Variants in UPRT observed in about 807,000 individuals in gnomAD.
UPRT encodes uracil phosphoribosyltransferase homolog.
Under a neutral mutation model 22.6 loss-of-function variants are expected in UPRT, and 5 were observed. That is an observed-to-expected ratio of 0.22 (90% CI 0.12 to 0.47). UPRT has a LOEUF of 0.47. UPRT is among the 20% of genes least tolerant of loss of function. The pLI is 0.99. For synonymous variants in UPRT, 77 were observed against 87.7 expected, an observed-to-expected ratio of 0.88 and a Z score of 0.68; for missense variants, 181 against 239.9, an observed-to-expected ratio of 0.75 and a Z score of 1.62.
chrX:75,286,486 T>C (rs758036122), intron 1 of UPRT, among the ~76,000 whole-genome samples: 5 of 111,954 alleles, frequency 4.5e-5, no homozygotes, highest in African/African-American at 1.3e-4. Flanking sequence ...TAGCATTTTA[T>C]TTAAATTAAG....
intron 4 of UPRT, among the ~76,000 whole-genome samples, chrX:75,185,123 G>T (rs1345184287): frequency 1.8e-5 from 2 of 111,684 alleles, no homozygotes; most frequent in African/African-American, 3.3e-5. Context: ...ATGCTCCGAG[G>T]TTTTGCCCAT....
At chrX:75,294,703 A>C in intron 2 of UPRT, 1 of 622,607 alleles carries the variant, frequency 1.6e-6, no homozygotes, top group Non-Finnish European at 2.1e-6. Flanking sequence ...GATAGTAACA[A>C]GATAAATGTG....
At chrX:75,186,960 T>A in intron 4 of UPRT, among the ~76,000 whole-genome samples, 1 of 111,804 alleles carries the variant, frequency 8.9e-6, no homozygotes, top group East Asian at 2.8e-4. Flanking sequence ...CACTGATGGG[T>A]CTTGACTCTT....
intron 4 of UPRT, among the ~76,000 whole-genome samples, chrX:75,249,505 G>A (rs1283472244): frequency 4.5e-5 from 5 of 111,782 alleles, no homozygotes; most frequent in Non-Finnish European, 9.4e-5. Context: ...AACAAGAAGA[G>A]CTGACAATCC....
chrX:75,271,122 C>T (rs2082606839), upstream of UPRT, among the ~76,000 whole-genome samples: 1 of 111,516 alleles, frequency 9.0e-6, no homozygotes, highest in Non-Finnish European at 1.9e-5. Flanking sequence ...ATGCAATTCT[C>T]ATCAAAATAC....
chrX:75,281,417 T>C (rs2082656259), intron 1 of UPRT, among the ~76,000 whole-genome samples: 1 of 111,897 alleles, frequency 8.9e-6, no homozygotes, highest in Non-Finnish European at 1.9e-5. Flanking sequence ...AGATGGCTTT[T>C]ATTACATTAA....
At chrX:75,252,085 G>T (rs2082532471) in intron 4 of UPRT, among the ~76,000 whole-genome samples, 1 of 112,172 alleles carries the variant, frequency 8.9e-6, no homozygotes, top group Admixed American at 9.5e-5. Flanking sequence ...AGACTTACAT[G>T]TTAGACCTAA....
intron 4 of UPRT, among the ~76,000 whole-genome samples, chrX:75,196,463 A>T (rs1433583947): frequency 1.8e-5 from 2 of 112,968 alleles, no homozygotes; most frequent in African/African-American, 6.4e-5. Context: ...ACAGTGGTCT[A>T]GGACTGATTA....
chrX:75,299,616 A>G, intron 4 of UPRT, 119 bp from the exon 5 acceptor site: 1 of 763,718 alleles, frequency 1.3e-6, no homozygotes, highest in Non-Finnish European at 1.8e-6. Flanking sequence ...GCTTCAAAAT[A>G]ATTATTTTCA....
chrX:75,206,763 C>A (rs1445795580), intron 4 of UPRT, among the ~76,000 whole-genome samples: 1 of 111,008 alleles, frequency 9.0e-6, no homozygotes, highest in African/African-American at 3.3e-5. Flanking sequence ...CTCCTGGGTT[C>A]ATGCCATTCT....
intron 4 of UPRT, among the ~76,000 whole-genome samples, chrX:75,223,884 G>A (rs1210231131): frequency 9.0e-6 from 1 of 111,471 alleles, no homozygotes; most frequent in African/African-American, 3.3e-5. Flanking sequence ...TCCTGTGGAG[G>A]GGAAGATCAG....
chrX:75,236,049 C>G (rs2082462028), intron 4 of UPRT, among the ~76,000 whole-genome samples: 1 of 110,644 alleles, frequency 9.0e-6, no homozygotes, highest in South Asian at 3.9e-4. Context: ...CTAGTAAACC[C>G]CATTGTCTGA....
intron 4 of UPRT, among the ~76,000 whole-genome samples, chrX:75,229,953 C>G (rs1261918936): frequency 8.9e-6 from 1 of 112,356 alleles, no homozygotes; most frequent in Non-Finnish European, 1.9e-5. Flanking sequence ...AAGTTGCAGG[C>G]AGGTGGTGAG....
chrX:75,275,049 C>T (rs1239075220), intron 1 of UPRT, among the ~76,000 whole-genome samples: 1 of 111,156 alleles, frequency 9.0e-6, no homozygotes, highest in African/African-American at 3.3e-5. Context: ...TACCACCAAT[C>T]ACCTCAGGTT....
intron 4 of UPRT, among the ~76,000 whole-genome samples, chrX:75,236,844 C>T (rs998258970): frequency 1.8e-5 from 2 of 112,139 alleles, no homozygotes; most frequent in Non-Finnish European, 3.8e-5. Context: ...ACCATAGAAA[C>T]CCTAGAAGAA....
chrX:75,178,374 A>G (rs111360362), intron 4 of UPRT, among the ~76,000 whole-genome samples: 10 of 111,893 alleles, frequency 8.9e-5, no homozygotes, highest in African/African-American at 3.2e-4. Context: ...CTCACCGCTC[A>G]GCGATAGGCG....
At chrX:75,276,274 C>A (rs2082631401) in intron 1 of UPRT, among the ~76,000 whole-genome samples, 1 of 111,721 alleles carries the variant, frequency 9.0e-6, no homozygotes. Context: ...TTGTATAGAT[C>A]TTATCCTGCC....
chrX:75,251,861 G>A (rs1411472368), intron 4 of UPRT, among the ~76,000 whole-genome samples: 1 of 110,900 alleles, frequency 9.0e-6, no homozygotes, highest in African/African-American at 3.3e-5. Flanking sequence ...TACCAAAACA[G>A]AGATATAGAC....
At chrX:75,250,242 A>C (rs1466647053) in intron 4 of UPRT, among the ~76,000 whole-genome samples, 6 of 110,713 alleles carry the variant, frequency 5.4e-5, no homozygotes, top group South Asian at 7.7e-4. Context: ...GAGACAAAAA[A>C]AACCCTTCAA....
Sources: gnomAD v4.1 joint callset for allele counts (sites outside exome capture counted in the v4.1 genomes callset) on GRCh38, gnomAD v4.1.1 for gene constraint, MANE v1.5 for transcripts, NCBI Gene and HGNC (gene_info 2026-07-23, HGNC 2026-07-21) for gene names.